EYS: variants seen among roughly 807,000 people sequenced by gnomAD.
The protein encoded by EYS is protein eyes shut homolog.
A neutral mutation model predicts 282.1 loss-of-function variants in EYS; 250 were observed. That is an observed-to-expected ratio of 0.89 (90% CI 0.80 to 0.98). EYS has a LOEUF of 0.98. Among genes scored for constraint, EYS ranks in the 50% least tolerant of loss-of-function variants. The probability of loss-of-function intolerance (pLI) is 0.00; values close to 1 mark genes in which losing one functional copy is unlikely to be tolerated. For synonymous variants in EYS, 1,355 were observed against 1,282.9 expected (o/e 1.06, Z -1.20); for missense variants, 4,016 against 3,709.0 (o/e 1.08, Z -2.15).
chr6:63,798,406 G>C (rs1326041492), intron 37 of EYS, among the ~76,000 whole-genome samples: 1 of 152,180 alleles, frequency 6.6e-6, no homozygotes, highest in African/African-American at 2.4e-5. Context: ...TTCTCAGGAA[G>C]AAAATTCTCA....
chr6:64,973,872 CT>C (rs1770383362), intron 14 of EYS, among the ~76,000 whole-genome samples: 1 of 151,836 alleles, frequency 6.6e-6, no homozygotes, highest in Non-Finnish European at 1.5e-5. Context: ...AAATTCCTTT[CT>C]GTTTTAGATA....
At chr6:64,344,189 C>A (rs1388024247) in intron 29 of EYS, among the ~76,000 whole-genome samples, 2 of 152,230 alleles carry the variant, frequency 1.3e-5, no homozygotes, top group South Asian at 4.1e-4. Context: ...AAGAGGGAAT[C>A]CTCCCTAACT....
At chr6:64,467,225 AT>A (rs578154711) in intron 26 of EYS, among the ~76,000 whole-genome samples, 6 of 152,038 alleles carry the variant, frequency 3.9e-5, no homozygotes, top group Non-Finnish European at 7.4e-5. Context: ...TCTGATTAAG[AT>A]TTTTTTTAAA....
rs1271860324 is a variant in EYS at position 64,230,738 on chromosome 6, A to C, written c.6278T>G (p.Val2093Gly). Reference protein sequence around the residue: ...TQGVDTMWTSVSPSVAAPSVC... With the variant: ...TQGVDTMWTSGSPSVAAPSVC... ...AGAGGGTGCTGCAACAGAGGGGCTGACAGAAGTCCACATGGTATCAACCCC... is the reference window on the plus strand; with the variant it reads ...AGAGGGTGCTGCAACAGAGGGGCTGCCAGAAGTCCACATGGTATCAACCCC... The change falls in exon 31 of 43, where the codon GTC becomes GGC. Residue 2093 changes from valine (V) to glycine (G), a missense_variant. By Grantham distance (109) the Val-to-Gly change is moderately radical. Coordinates refer to ENST00000503581, the MANE Select transcript of EYS (RefSeq NM_001142800.2). 2 of 1,551,640 alleles carry C rather than the reference A, an allele frequency of 1.3e-6. No homozygotes were observed. The highest frequency in any genetic ancestry group is 2.4e-5 in the South Asian group (2 of 84,064).
intron 31 of EYS, among the ~76,000 whole-genome samples, chr6:64,227,160 T>C (rs1199402802): frequency 6.6e-6 from 1 of 152,086 alleles, no homozygotes; most frequent in East Asian, 1.9e-4. Context: ...CTGCTTTTTA[T>C]ATTTTAGTTT....
In EYS at chr6:65,353,496, G is replaced by A. The variant is rs1302751436; in HGVS notation, c.1421C>T (p.Pro474Leu). Reference protein sequence around the residue: ...TFHGICQDKGPAQFEYVWQLG... With the variant: ...TFHGICQDKGLAQFEYVWQLG... Reference sequence around the variant, plus strand: ...TTGCCACACATATTCAAATTGAGCAGGACCTTTATCTTGGCAAATACCATG... The same window carrying A: ...TTGCCACACATATTCAAATTGAGCAAGACCTTTATCTTGGCAAATACCATG... Residue 474 changes from proline (P) to leucine (L), a missense_variant, in exon 9 of 43, where the codon CCT becomes CTT. Transcript: ENST00000503581. The A allele has an allele frequency of 3.1e-6, 5 of 1,613,030 alleles. No homozygotes were observed. Among genetic ancestry groups the A allele is most frequent in the Non-Finnish European group, 4.2e-6 (5 of 1,179,478 alleles).
chr6:63,830,157 C>T (rs1771588324), intron 36 of EYS, among the ~76,000 whole-genome samples: 2 of 152,220 alleles, frequency 1.3e-5, no homozygotes, highest in Admixed American at 1.3e-4. Flanking sequence ...CGGAGTGTCT[C>T]TTCTCCTCCA....
Position 65,310,895 on chromosome 6 carries a change from TTTATTA to T in EYS, c.1767-14782_1767-14777del, listed in dbSNP as rs574917577. Among the ~76,000 whole-genome samples, 342 of 152,140 alleles carry T rather than the reference TTTATTA, an allele frequency of 2.2e-3. 1 individual carries two copies. Among genetic ancestry groups the T allele is most frequent in the Non-Finnish European group, 3.6e-3 (243 of 68,006 alleles). ...TCGTGGCAATATTGCCAACTGAAAT[TTTATTA>T]TTATTATTTTAAAATATTATTTATT... is the stretch of plus-strand genomic sequence containing the variant. On this transcript the variant is annotated intron_variant, in intron 11 of 42. Transcript: ENST00000503581.
chr6:63,810,733 C>T (rs1771026278), intron 36 of EYS, among the ~76,000 whole-genome samples: 1 of 152,216 alleles, frequency 6.6e-6, no homozygotes, highest in Non-Finnish European at 1.5e-5. Flanking sequence ...GGGCAAACCT[C>T]TTCCACCATA....
At chr6:64,725,632 C>T (rs1411107754) in intron 22 of EYS, among the ~76,000 whole-genome samples, 1 of 152,088 alleles carries the variant, frequency 6.6e-6, no homozygotes, top group Non-Finnish European at 1.5e-5. Context: ...TTCAAAGTGT[C>T]CTCTGACTTA....
intron 1 of EYS, among the ~76,000 whole-genome samples, chr6:65,706,925 CAT>C (rs1769898922): frequency 1.3e-5 from 2 of 152,074 alleles, no homozygotes; most frequent in South Asian, 4.1e-4. Context: ...ATATAAAGCA[CAT>C]GTTGTTTTTG....
intron 22 of EYS, among the ~76,000 whole-genome samples, chr6:64,672,098 G>A (rs946289689): frequency 7.2e-5 from 11 of 152,206 alleles, no homozygotes; most frequent in Middle Eastern, 3.4e-3. Flanking sequence ...AAGTCATTTC[G>A]TAGCTGTGTC....
At chr6:64,141,566 G>T (rs1173821327) in intron 31 of EYS, among the ~76,000 whole-genome samples, 1 of 151,936 alleles carries the variant, frequency 6.6e-6, no homozygotes, top group East Asian at 1.9e-4. Flanking sequence ...TCATTAATAG[G>T]CATGAAAATA....
chr6:64,232,272 T>G (rs113184321), intron 30 of EYS, among the ~76,000 whole-genome samples: 27 of 152,316 alleles, frequency 1.8e-4, no homozygotes, highest in African/African-American at 6.5e-4. Flanking sequence ...TGTGCTTTTC[T>G]TCATTTTATT....
At chr6:63,851,509 T>C (rs1480890040) in intron 36 of EYS, among the ~76,000 whole-genome samples, 1 of 152,120 alleles carries the variant, frequency 6.6e-6, no homozygotes, top group Non-Finnish European at 1.5e-5. Context: ...GAACTCAGGA[T>C]TAAGAAACTC....
chr6:65,616,874 C>A (rs1312259397), intron 2 of EYS, among the ~76,000 whole-genome samples: 1 of 151,682 alleles, frequency 6.6e-6, no homozygotes, highest in African/African-American at 2.4e-5. Flanking sequence ...ATTTTTAATT[C>A]AATTGGTGAC....
Position 63,806,377 on chromosome 6 carries a change from G to A in EYS, c.7229-5C>T, listed in dbSNP as rs1256025461. 4 of 1,522,392 alleles carry A rather than the reference G, an allele frequency of 2.6e-6. No individual in the cohort carries two copies. The East Asian group carries it at 9.9e-5, about 38-fold the overall frequency. 94.3% of individuals were successfully genotyped at this position (1,522,392 alleles called of 1,614,324 possible). ...TTGGCTGAGTAATATTAATAGCTGT[G>A]AAAAAACCCAAACCAAACAGTTAAA... On this transcript the variant is annotated splice_region_variant and splice_polypyrimidine_tract_variant and intron_variant, in intron 36 of 42. Transcript: ENST00000503581.
intron 33 of EYS, among the ~76,000 whole-genome samples, chr6:64,040,919 T>C (rs760994144): frequency 1.9e-4 from 29 of 152,204 alleles, no homozygotes; most frequent in South Asian, 4.1e-4. Context: ...ATACAACCTG[T>C]GTTTAAATAG....
intron 18 of EYS, among the ~76,000 whole-genome samples, chr6:64,896,990 G>A (rs1292808468): frequency 3.3e-5 from 5 of 152,134 alleles, no homozygotes; most frequent in Admixed American, 6.5e-5. Flanking sequence ...CATCTCCCTG[G>A]GACAGAGCAC....
Sources: gnomAD v4.1 joint callset for allele counts (sites outside exome capture counted in the v4.1 genomes callset) on GRCh38, gnomAD v4.1.1 for gene constraint, MANE v1.5 for transcripts, NCBI Gene and HGNC (gene_info 2026-07-23, HGNC 2026-07-21) for gene names.